ZNF519: variants seen among roughly 807,000 people sequenced by gnomAD.
ZNF519 encodes the protein similar to Zinc finger protein 85 (Zinc finger protein HPF4) (HTF1).
ZNF519 carries 7 observed loss-of-function variants against 7.4 expected under a neutral mutation model. The observed-to-expected ratio is 0.94, with a 90% confidence interval of 0.54 to 1.77. The LOEUF is 1.77. ZNF519 is among the 40% of genes most tolerant of loss of function. The pLI is 0.00. For synonymous variants in ZNF519, 179 were observed against 203.3 expected (o/e 0.88, Z 1.02); for missense variants, 586 against 623.1 (o/e 0.94, Z 0.63).
Position 14,116,040 on chromosome 18 carries a change from T to C in ZNF519, c.130+8310A>G, listed in dbSNP as rs553565428. Among the ~76,000 whole-genome samples, 7 of 152,358 alleles carry C rather than the reference T, an allele frequency of 4.6e-5. No individual in the cohort carries two copies. The South Asian group carries it at 1.4e-3, about 32-fold the overall frequency. Reference sequence around the variant, plus strand: ...GTGTCATGTGGGTTTGTTGTACAGATTATTTTTTCACCAAGGTATTAAGCC... The same window carrying C: ...GTGTCATGTGGGTTTGTTGTACAGACTATTTTTTCACCAAGGTATTAAGCC... On this transcript the variant is annotated intron_variant, in intron 2 of 2. Transcript: ENST00000590202.
In ZNF519 at chr18:14,105,505, C is replaced by A; in HGVS notation, c.1035G>T (p.Glu345Asp). ...LTQHQRIHTG[E>D]RAFKCEECGK... ...CACATTCTTCACATTTGAAAGCTCT[C>A]TCTCCAGTATGGATTCTCTGATGTT... The change falls in exon 3 of 3, where the codon GAG becomes GAT. Residue 345 changes from glutamate (E) to aspartate (D), a missense_variant. Transcript: ENST00000590202. The A allele has an allele frequency of 1.1e-5, 17 of 1,614,046 alleles. No individual in the cohort carries two copies. The highest frequency in any genetic ancestry group is 1.4e-5 in the Non-Finnish European group (16 of 1,180,000).
chr18:14,124,970 C>A (rs1374779103), intron 1 of ZNF519, among the ~76,000 whole-genome samples: 1 of 152,170 alleles, frequency 6.6e-6, no homozygotes, highest in Non-Finnish European at 1.5e-5. Flanking sequence ...GCCTCTCAAG[C>A]TTCAATGTGC....
chr18:14,087,502 G>A (rs1214193856), intron 2 of ZNF519, among the ~76,000 whole-genome samples: 1 of 152,144 alleles, frequency 6.6e-6, no homozygotes, highest in African/African-American at 2.4e-5. Flanking sequence ...CATCTTACCT[G>A]AACTGTAACC....
At position 14,080,820 on chromosome 18, in the gene ZNF519, C is replaced by T. The variant is rs1433831077; in HGVS notation, c.*178-2522G>A. On this transcript the variant is annotated intron_variant and NMD_transcript_variant, in intron 3 of 4. Coordinates refer to the ZNF519 transcript ENST00000587419. Reference sequence around the variant, plus strand: ...ATAAATGGATAAACGATAGTACATCCAGAAATAAAATATTATTCAGTGTTA... The same window carrying T: ...ATAAATGGATAAACGATAGTACATCTAGAAATAAAATATTATTCAGTGTTA... Among the ~76,000 whole-genome samples, 3 of 152,000 alleles carry T rather than the reference C, an allele frequency of 2.0e-5. 1 individual carries two copies. Among genetic ancestry groups the T allele is most frequent in the African/African-American group, 7.3e-5 (3 of 41,374 alleles).
In ZNF519 at chr18:14,101,334, G is replaced by C. The variant is rs892280585; in HGVS notation, c.*3583C>G. ...CCAGATTTAGGGCTGATTTATTTCC[G>C]CACTCAGAGGGATAAAGGGGGGCCA... On this transcript the variant is annotated 3_prime_UTR_variant, in exon 3 of 3. Transcript: ENST00000590202. 3.0e-4 allele frequency: 54 copies of C among 180,360 alleles called. No homozygotes were observed. The highest frequency in any genetic ancestry group is 1.2e-3 in the African/African-American group (53 of 42,760). The allele number at this position is 180,360 out of a possible 1,614,324, so 11.2% of individuals were successfully genotyped here. A position where few individuals can be genotyped will look rare whatever the true frequency, so the allele number is the denominator to read the frequency against.
At chr18:14,112,582 T>A (rs1408713234) in intron 2 of ZNF519, among the ~76,000 whole-genome samples, 1 of 152,120 alleles carries the variant, frequency 6.6e-6, no homozygotes, top group Non-Finnish European at 1.5e-5. Context: ...TTAGAACTCA[T>A]AAATTTAGTC....
At chr18:14,107,728 T>A (rs1373679432) in intron 2 of ZNF519, among the ~76,000 whole-genome samples, 1 of 152,074 alleles carries the variant, frequency 6.6e-6, no homozygotes, top group Admixed American at 6.6e-5. Context: ...AGGCCAAGCA[T>A]CATTCACTAC....
chr18:14,124,694 C>A (rs902650577), intron 1 of ZNF519, among the ~76,000 whole-genome samples: 1 of 151,870 alleles, frequency 6.6e-6, no homozygotes, highest in Admixed American at 6.6e-5. Context: ...ACTGACCTAC[C>A]CCTACCAAAA....
At chr18:14,075,308 C>G (rs549567908), downstream of ZNF519, 9 of 152,334 alleles carry the variant, frequency 5.9e-5, no homozygotes, top group African/African-American at 2.2e-4. Flanking sequence ...ACTTGCCAGT[C>G]ACGTGCGGTT....
At chr18:14,120,874 C>A (rs1386652504) in intron 2 of ZNF519, among the ~76,000 whole-genome samples, 1 of 151,946 alleles carries the variant, frequency 6.6e-6, no homozygotes, top group Non-Finnish European at 1.5e-5. Context: ...ATACTACTAC[C>A]AAAGGAAATA....
downstream of ZNF519, among the ~76,000 whole-genome samples, chr18:14,098,575 G>C (rs981575572): frequency 6.6e-6 from 1 of 152,108 alleles, no homozygotes; most frequent in Non-Finnish European, 1.5e-5. Context: ...ATTCAGGGAG[G>C]CTCCGACTTG....
downstream of ZNF519, chr18:14,075,100 C>G (rs2143069168): frequency 6.6e-6 from 1 of 152,246 alleles, no homozygotes; most frequent in East Asian, 1.9e-4. Flanking sequence ...ACCATCAGGT[C>G]TCATGAGACT....
At position 14,105,718 on chromosome 18, in the gene ZNF519, A is replaced by G. The variant is rs768242734; in HGVS notation, c.822T>C (p.Phe274=). 3 of 1,613,946 alleles carry G rather than the reference A, an allele frequency of 1.9e-6. No homozygotes were observed. Among genetic ancestry groups the G allele is most frequent in the Non-Finnish European group, 2.5e-6 (3 of 1,179,978 alleles). Residue 274 remains phenylalanine, a synonymous_variant, in exon 3 of 3, where the codon TTT becomes TTC. Transcript: ENST00000590202. ...GATGTCCAAGATGTAAGCCCCTGGT[A>G]AAAGCTTTGCCACGTTCTTTATATT... ...SVKYKERGKA[F]TRGLHLGHQK...
chr18:14,106,717 G>A (rs1275225070), intron 2 of ZNF519, among the ~76,000 whole-genome samples: 2 of 152,256 alleles, frequency 1.3e-5, no homozygotes, highest in South Asian at 2.1e-4. Context: ...AGGAAAGACC[G>A]TCTTGAATCA....
chr18:14,086,237 A>G (rs377133652), intron 2 of ZNF519, among the ~76,000 whole-genome samples: 1 of 152,230 alleles, frequency 6.6e-6, no homozygotes, highest in African/African-American at 2.4e-5. Flanking sequence ...CCCTGTGGAC[A>G]GAGCCACTGG....
rs141402665 is a variant in ZNF519, at chr18:14,105,437, C to A, written c.1103G>T (p.Arg368Ile). ...GAAAGGTTTCTCTCCGGTATGGATTCTCTGGTGTTGAGTAAGGTATGACCC... is the reference window on the plus strand; with the variant it reads ...GAAAGGTTTCTCTCCGGTATGGATTATCTGGTGTTGAGTAAGGTATGACCC... ...NRGSYLTQHQRIHTGEKPFRC... is the reference protein window; with the variant it reads ...NRGSYLTQHQIIHTGEKPFRC... The change falls in exon 3 of 3, where the codon AGA (arginine) becomes ATA (isoleucine). Residue 368 changes from arginine (R) to isoleucine (I), a missense_variant. Coordinates refer to ENST00000590202, the MANE Select transcript of ZNF519 (RefSeq NM_145287.4). The A allele has an allele frequency of 2.0e-4, 330 of 1,613,566 alleles. 2 individuals carry two copies. The highest frequency in any genetic ancestry group is 3.3e-4 in the Middle Eastern group (2 of 6,080).
chr18:14,096,729 C>T (rs1224940736), downstream of ZNF519, among the ~76,000 whole-genome samples: 1 of 152,088 alleles, frequency 6.6e-6, no homozygotes, highest in Admixed American at 6.5e-5. Context: ...TATTTGGGCT[C>T]AAGTGAAGTT....
chr18:14,130,835 C>CAT, intron 1 of ZNF519, among the ~76,000 whole-genome samples: 1 of 135,842 alleles, frequency 7.4e-6, no homozygotes, highest in African/African-American at 2.8e-5. Context: ...GGAATGAAAA[C>CAT]TGGGGTTGGG....
At chr18:14,077,089 C>T (rs2046050566) in exon 5 of ZNF519, 1 of 152,122 alleles carries the variant, frequency 6.6e-6, no homozygotes, top group Admixed American at 6.5e-5. Flanking sequence ...GAAATTAATT[C>T]CAAATTACAC....
Sources: allele counts gnomAD v4.1 joint callset (sites outside exome capture counted in the v4.1 genomes callset), GRCh38; gene constraint gnomAD v4.1.1; transcripts MANE v1.5; gene names NCBI Gene and HGNC (gene_info 2026-07-23, HGNC 2026-07-21).